PPM1F: variants seen among roughly 807,000 people sequenced by gnomAD.
PPM1F encodes the protein protein phosphatase 1F.
Under a neutral mutation model 35.5 loss-of-function variants are expected in PPM1F, and 17 were observed. The observed-to-expected ratio is 0.48, with a 90% CI of 0.33 to 0.72. The LOEUF is 0.72. PPM1F is among the 30% of genes least tolerant of loss of function. The pLI, the probability that PPM1F is intolerant of heterozygous loss-of-function variation, is 0.02. For synonymous variants in PPM1F, 241 were observed against 255.5 expected (o/e 0.94, Z 0.54); for missense variants, 521 against 613.0 (o/e 0.85, Z 1.59).
chr22:21,933,505 G>A lies in PPM1F; in HGVS notation c.633C>T (p.Val211=). ...GGVDAARYAA[V]HVHTNAARQP... ...GGCGGGCAGCGTTGGTGTGCACGTG[G>A]ACAGCGGCGTACCTCGCAGCATCCA... Residue 211 remains valine (V), a synonymous_variant, in exon 5 of 8, where the codon GTC becomes GTT. Coordinates refer to ENST00000263212, the MANE Select transcript of PPM1F (RefSeq NM_014634.4). 1 of 1,613,734 alleles carries A rather than the reference G, an allele frequency of 6.2e-7. No homozygotes were observed. Among genetic ancestry groups the A allele is most frequent in the Non-Finnish European group, 8.5e-7 (1 of 1,180,000 alleles).
chr22:21,942,505 C>T (rs1235144876), intron 2 of PPM1F: 1 of 152,212 alleles, frequency 6.6e-6, no homozygotes, highest in African/African-American at 2.4e-5. Context: ...GAAAAACAAC[C>T]AGCCAAGACA....
At chr22:21,925,354 T>C (rs2070499507) in intron 7 of PPM1F, 2 of 508,886 alleles carry the variant, frequency 3.9e-6, no homozygotes, top group Middle Eastern at 5.3e-4. Flanking sequence ...GGTGAGATAA[T>C]AACATACAGT....
intron 5 of PPM1F, among the ~76,000 whole-genome samples, chr22:21,932,330 C>T (rs1001556902): frequency 6.6e-6 from 1 of 152,238 alleles, no homozygotes; most frequent in Non-Finnish European, 1.5e-5. Context: ...GCCTTTGTCA[C>T]TTCCTGGGGC....
rs1343832171 is a variant in PPM1F, at chr22:21,933,507, C to A, written c.631G>T (p.Val211Phe). The change falls in exon 5 of 8, where the codon GTC becomes TTC. Residue 211 changes from valine (V) to phenylalanine (F), a missense_variant. Transcript: ENST00000263212. ...CGGGCAGCGTTGGTGTGCACGTGGA[C>A]AGCGGCGTACCTCGCAGCATCCACG... is the stretch of plus-strand genomic sequence containing the variant. ...GGVDAARYAA[V>F]HVHTNAARQP... 1 of 1,613,744 alleles carries A rather than the reference C, an allele frequency of 6.2e-7. No homozygotes were observed. The highest frequency in any genetic ancestry group is 1.7e-5 in the Admixed American group (1 of 60,028).
chr22:21,946,966 C>A (rs867763217), intron 1 of PPM1F: 1 of 152,288 alleles, frequency 6.6e-6, no homozygotes, highest in Admixed American at 6.5e-5. Flanking sequence ...CAGGACAAGC[C>A]CCCATTTCAC....
At chr22:21,925,858 C>T in intron 6 of PPM1F, 196 bp from the exon 7 acceptor site, 2 of 478,630 alleles carry the variant, frequency 4.2e-6, no homozygotes, top group Non-Finnish European at 7.4e-6. Context: ...ACACAACCCA[C>T]AAGTCCTTTA....
rs1007101226 is a variant in PPM1F at position 21,939,203 on chromosome 22, A to T, written c.355+329T>A. The stretch of plus-strand genomic sequence containing the variant: ...CTGGCTGCATGACCAGAGATCGATC[A>T]CCTGTGAGATCCTCTGTGAAACGGG... On this transcript the variant is annotated intron_variant, in intron 3 of 7. Coordinates refer to ENST00000263212, the MANE Select transcript of PPM1F (RefSeq NM_014634.4). This position sits in a 1 kb window ranked among gnomAD's most constrained non-coding sequence, Gnocchi z 5.1. 13 of 258,890 alleles carry T rather than the reference A, an allele frequency of 5.0e-5. No individual in the cohort carries two copies. Among genetic ancestry groups the T allele is most frequent in the Admixed American group, 1.5e-4 (3 of 19,746 alleles). 16.0% of individuals were successfully genotyped at this position (258,890 alleles called of 1,614,324 possible).
At chr22:21,927,952 T>G (rs1447185304) in intron 6 of PPM1F, among the ~76,000 whole-genome samples, 9 of 99,890 alleles carry the variant, frequency 9.0e-5, no homozygotes, top group East Asian at 6.1e-4. Flanking sequence ...GTTTTTTTTT[T>G]TTTTTTTTTT....
intron 2 of PPM1F, chr22:21,942,809 G>A (rs2070739493): frequency 6.6e-6 from 1 of 152,350 alleles, no homozygotes; most frequent in African/African-American, 2.4e-5. Context: ...ACTGCACCAT[G>A]CAGATCCACC....
rs546777512 is a variant in PPM1F, at chr22:21,934,714, G to C, written c.356-488C>G. The C allele has an allele frequency of 2.0e-5, 3 of 152,686 alleles. No individual in the cohort carries two copies. In the South Asian group the frequency reaches 5.9e-4, roughly 30 times the overall value. The allele number at this position is 152,686 out of a possible 1,614,324, so 9.5% of individuals were successfully genotyped here. The stretch of plus-strand genomic sequence containing the variant: ...AGCCTAGCCAACATGGTGAAACCCC[G>C]TCTCTACTAAAAATACACAAATTAG... On this transcript the variant is annotated intron_variant, in intron 3 of 7. Coordinates refer to ENST00000263212, the MANE Select transcript of PPM1F (RefSeq NM_014634.4).
intron 6 of PPM1F, among the ~76,000 whole-genome samples, chr22:21,930,053 G>A (rs2070570515): frequency 6.6e-6 from 1 of 152,160 alleles, no homozygotes; most frequent in African/African-American, 2.4e-5. Context: ...AAACTGATAA[G>A]AAAAACAGGC....
chr22:21,920,935 C>G lies in PPM1F; in HGVS notation c.*2157G>C, dbSNP rs917054585. The G allele has an allele frequency of 1.3e-5, 2 of 152,256 alleles. No individual in the cohort carries two copies. Among genetic ancestry groups the G allele is most frequent in the African/African-American group, 2.4e-5 (1 of 41,460 alleles). 9.4% of individuals were successfully genotyped at this position (152,256 alleles called of 1,614,324 possible). A position where few individuals can be genotyped will look rare whatever the true frequency, so the allele number is the denominator to read the frequency against. On this transcript the variant is annotated 3_prime_UTR_variant, in exon 8 of 8. Transcript: ENST00000263212. ...TGCGTCCCTGACCCCCAGAAGGAGA[C>G]AGCAGGCCTTCAAGTTAAGCCAAGC...
intron 1 of PPM1F, chr22:21,951,014 TAC>T (rs1194761010): frequency 6.6e-6 from 1 of 152,200 alleles, no homozygotes; most frequent in Non-Finnish European, 1.5e-5. Context: ...ATTTTTTTTC[TAC>T]ATATATAAAT....
At chr22:21,937,025 G>A (rs2070667540) in intron 3 of PPM1F, 1 of 152,194 alleles carries the variant, frequency 6.6e-6, no homozygotes, top group Non-Finnish European at 1.5e-5. Flanking sequence ...GGAAACCATG[G>A]GGGCTCTGGC....
intron 4 of PPM1F, 88 bp from the exon 5 acceptor site, chr22:21,933,667 C>A: frequency 8.0e-7 from 1 of 1,248,922 alleles, no homozygotes; most frequent in Non-Finnish European, 1.1e-6. Flanking sequence ...GGGGTAGAGT[C>A]TGGGAGAATC....
rs532332552 is a variant in PPM1F at position 21,928,120 on chromosome 22, C to T, written c.892-2458G>A. On this transcript the variant is annotated intron_variant, in intron 6 of 7. Transcript: ENST00000263212. ...CCCCTCAGCAGCTCTTCCCTCTGCT[C>T]CTCAAACCTCATCCTCTCCACCTGC... is the stretch of plus-strand genomic sequence containing the variant. Among the ~76,000 whole-genome samples the T allele has an allele frequency of 3.9e-5, 6 of 152,024 alleles. No homozygotes were observed. In the East Asian group the frequency reaches 1.2e-3, roughly 30 times the overall value.
rs867135002 is a variant in PPM1F, at chr22:21,922,821, C to T, written c.*271G>A. The T allele has an allele frequency of 4.6e-5, 21 of 452,542 alleles. No individual in the cohort carries two copies. The highest frequency in any genetic ancestry group is 2.4e-4 in the African/African-American group (12 of 50,732). 28.0% of individuals were successfully genotyped at this position (452,542 alleles called of 1,614,324 possible). A position where few individuals can be genotyped will look rare whatever the true frequency, so the allele number is the denominator to read the frequency against. The stretch of plus-strand genomic sequence containing the variant: ...GCACCTATGACCTCTGGTCCCACCC[C>T]GGGCCTAATAGGAGCTGGGAGCAAG... On this transcript the variant is annotated 3_prime_UTR_variant, in exon 8 of 8. Transcript: ENST00000263212.
At chr22:21,927,276 T>A (rs1286389225) in intron 6 of PPM1F, among the ~76,000 whole-genome samples, 1 of 152,050 alleles carries the variant, frequency 6.6e-6, no homozygotes, top group African/African-American at 2.4e-5. Context: ...GAACACAGAG[T>A]ACGCACGAAT....
chr22:21,951,349 C>CT (rs56062012), intron 1 of PPM1F: 10,982 of 99,178 alleles, frequency 0.11, 803 homozygotes, highest in Non-Finnish European at 0.16. Context: ...AGATGGTATC[C>CT]TTTTTTTTTT....
Sources: gnomAD v4.1 joint callset for allele counts (sites outside exome capture counted in the v4.1 genomes callset) on GRCh38, gnomAD v4.1.1 for gene constraint, Gnocchi (gnomAD v3.1) non-coding constraint, MANE v1.5 for transcripts, NCBI Gene and HGNC (gene_info 2026-07-23, HGNC 2026-07-21) for gene names.